The following TRPM6 variants were observed in gnomAD, a reference collection of about 807,000 sequenced individuals.
TRPM6 encodes the protein transient receptor potential cation channel subfamily M member 6, also known as channel kinase 2.
In TRPM6, 111 loss-of-function variants were observed where a neutral mutation model predicts 247.6. The ratio of observed to expected loss-of-function variants is 0.45; its 90% CI spans 0.38 to 0.52. TRPM6 has a LOEUF of 0.52. Ranked by LOEUF, TRPM6 falls within the 20% of genes least tolerant of loss-of-function variation. The probability of loss-of-function intolerance (pLI) is 0.00; values close to 1 mark genes in which losing one functional copy is unlikely to be tolerated. For missense variants in TRPM6, 2,126 were observed against 2,421.5 expected (o/e 0.88, Z 2.56); for synonymous variants, 892 against 853.8 (o/e 1.04, Z -0.78).
intron 1 of TRPM6, among the ~76,000 whole-genome samples, chr9:74,879,759 C>T (rs948475100): frequency 6.6e-6 from 1 of 152,180 alleles, no homozygotes; most frequent in Admixed American, 6.5e-5. Flanking sequence ...ACCCTTCCCC[C>T]ATACCTAGCC....
At chr9:74,867,879 C>G (rs35878400) in intron 1 of TRPM6, among the ~76,000 whole-genome samples, 1 of 152,206 alleles carries the variant, frequency 6.6e-6, no homozygotes, top group Non-Finnish European at 1.5e-5. Flanking sequence ...GATGGCCAGA[C>G]GCAGTGGCTC....
intron 6 of TRPM6, among the ~76,000 whole-genome samples, chr9:74,828,548 T>C (rs1038730142): frequency 1.3e-5 from 2 of 152,136 alleles, no homozygotes; most frequent in Admixed American, 1.3e-4. Context: ...TTCAGCAAGA[T>C]TAGCCTGCTT....
intron 21 of TRPM6, among the ~76,000 whole-genome samples, chr9:74,784,215 A>G (rs1827564866): frequency 6.6e-6 from 1 of 150,856 alleles, no homozygotes; most frequent in Admixed American, 6.6e-5. Flanking sequence ...GTGAGCAGAG[A>G]TTGCGCCACT....
intron 23 of TRPM6, among the ~76,000 whole-genome samples, chr9:74,776,487 G>T (rs192630742): frequency 6.6e-6 from 1 of 152,298 alleles, no homozygotes; most frequent in Admixed American, 6.5e-5. Flanking sequence ...TCAAATGTGA[G>T]AACTGCTAGA....
intron 23 of TRPM6, among the ~76,000 whole-genome samples, chr9:74,776,726 C>G (rs1827236611): frequency 6.6e-6 from 1 of 152,112 alleles, no homozygotes; most frequent in African/African-American, 2.4e-5. Flanking sequence ...ATTGGAGGTA[C>G]AGTTATTCTG....
At chr9:74,857,661 C>T (rs191309176) in intron 2 of TRPM6, 4 of 152,296 alleles carry the variant, frequency 2.6e-5, no homozygotes, top group East Asian at 3.9e-4. Context: ...TCTGCTCAAT[C>T]CAAAAGCCTA....
At chr9:74,870,610 C>T (rs974662638) in intron 1 of TRPM6, among the ~76,000 whole-genome samples, 2 of 152,140 alleles carry the variant, frequency 1.3e-5, no homozygotes, top group African/African-American at 4.8e-5. Flanking sequence ...ATGAACATTC[C>T]TTTAGCTGCA....
intron 36 of TRPM6, chr9:74,737,467 G>C (rs1309798655): frequency 2.3e-6 from 3 of 1,287,980 alleles, no homozygotes; most frequent in Middle Eastern, 2.1e-4. Flanking sequence ...AAGTCAGACA[G>C]GACAAGAAAA....
At chr9:74,731,079 C>T (rs2118693239) in intron 37 of TRPM6, among the ~76,000 whole-genome samples, 1 of 152,236 alleles carries the variant, frequency 6.6e-6, no homozygotes, top group African/African-American at 2.4e-5. Flanking sequence ...TTTAAGTTCC[C>T]TAGGTGACTT....
At position 74,775,788 on chromosome 9, in the gene TRPM6, C is replaced by T. The variant is rs551020263; in HGVS notation, c.3403+95G>A. On this transcript the variant is annotated intron_variant, in intron 24 of 38. Transcript: ENST00000360774. The stretch of plus-strand genomic sequence containing the variant: ...TTGTCAGGGAACTCCCAGAGCCCCA[C>T]AGTGCCCTGAACTTAATTTATAATA... 63 of 1,269,422 alleles carry T rather than the reference C, an allele frequency of 5.0e-5. No individual in the cohort carries two copies. The South Asian group carries it at 6.8e-4, about 14-fold the overall frequency. 78.6% of individuals were successfully genotyped at this position (1,269,422 alleles called of 1,614,324 possible).
At chr9:74,776,596 C>A (rs1827231375) in intron 23 of TRPM6, among the ~76,000 whole-genome samples, 1 of 152,164 alleles carries the variant, frequency 6.6e-6, no homozygotes, top group Non-Finnish European at 1.5e-5. Context: ...AAAATCCAGA[C>A]AAATTATTTA....
rs1399645391 is a variant in TRPM6, at chr9:74,771,732, A to G, written c.3507T>C (p.Cys1169=). The G allele has an allele frequency of 6.2e-7, 1 of 1,613,974 alleles. No individual in the cohort carries two copies. The highest frequency in any genetic ancestry group is 2.2e-5 in the East Asian group (1 of 44,868). The change falls in exon 25 of 39, where the codon TGT becomes TGC. Residue 1169 remains cysteine, a synonymous_variant. Coordinates refer to ENST00000360774, the MANE Select transcript of TRPM6 (RefSeq NM_017662.5). ...CTGATGTCACTCGGATTCGTTCCTC[A>G]CAACTACAATTCACATCTTCCATCT... The part of the protein sequence containing the change: ...HEKMEDVNCS[C]EERIRVTSER...
intron 18 of TRPM6, among the ~76,000 whole-genome samples, chr9:74,794,305 T>A (rs1047290654): frequency 2.0e-5 from 3 of 152,192 alleles, no homozygotes; most frequent in Non-Finnish European, 2.9e-5. Flanking sequence ...TAGCAAAATT[T>A]TTTAAGCCAA....
chr9:74,734,737 G>A (rs1321742589), intron 36 of TRPM6, among the ~76,000 whole-genome samples: 1 of 152,088 alleles, frequency 6.6e-6, no homozygotes, highest in African/African-American at 2.4e-5. Flanking sequence ...TCATGTTTCT[G>A]ATTGATTATC....
intron 3 of TRPM6, among the ~76,000 whole-genome samples, chr9:74,845,257 T>G (rs1246737045): frequency 6.6e-6 from 1 of 152,152 alleles, no homozygotes; most frequent in African/African-American, 2.4e-5. Flanking sequence ...AACCTCCACA[T>G]TATAAAAAAT....
chr9:74,872,987 G>C (rs374253126), intron 1 of TRPM6, among the ~76,000 whole-genome samples: 1 of 152,020 alleles, frequency 6.6e-6, no homozygotes, highest in Admixed American at 6.6e-5. Context: ...CCAAGGGCTC[G>C]TCATTATTCT....
At chr9:74,782,333 A>T (rs2118925777) in intron 23 of TRPM6, 29 bp downstream of exon 23, 1 of 1,531,034 alleles carries the variant, frequency 6.5e-7, no homozygotes, top group Non-Finnish European at 9.0e-7. Flanking sequence ...TTCTTATTTA[A>T]ATAATCATAT....
intron 36 of TRPM6, among the ~76,000 whole-genome samples, chr9:74,733,484 T>C (rs1000857273): frequency 3.3e-5 from 5 of 152,196 alleles, no homozygotes; most frequent in Admixed American, 1.3e-4. Flanking sequence ...CACTTGTATA[T>C]AGCAGATATT....
chr9:74,865,092 G>C (rs1252770389), intron 1 of TRPM6, among the ~76,000 whole-genome samples: 1 of 149,920 alleles, frequency 6.7e-6, no homozygotes, highest in African/African-American at 2.5e-5. Flanking sequence ...AAAAAAAATG[G>C]AACGTCAGAA....
Sources: gnomAD v4.1 joint callset for allele counts (sites outside exome capture counted in the v4.1 genomes callset) on GRCh38, gnomAD v4.1.1 for gene constraint, MANE v1.5 for transcripts, NCBI Gene and HGNC (gene_info 2026-07-23, HGNC 2026-07-21) for gene names.